Variants in SMARCAL1 observed in about 807,000 individuals in gnomAD.
SMARCAL1 encodes ATP-driven annealing helicase.
A neutral mutation model predicts 94.5 loss-of-function variants in SMARCAL1; 58 were observed. The observed-to-expected ratio is 0.61, with a 90% CI of 0.50 to 0.76. The LOEUF is 0.76. Ranked by LOEUF, SMARCAL1 falls within the 30% of genes least tolerant of loss-of-function variation. SMARCAL1 has a pLI of 0.00. For missense variants in SMARCAL1, 1,051 were observed against 1,177.9 expected (o/e 0.89, Z 1.58); for synonymous variants, 422 against 455.1 (o/e 0.93, Z 0.93).
chr2:216,433,922 C>CA (rs756621464), intron 8 of SMARCAL1, among the ~76,000 whole-genome samples: 159 of 125,140 alleles, frequency 1.3e-3, no homozygotes, highest in East Asian at 4.2e-3. Context: ...GAAGAGATGG[C>CA]AAAAAAAAAA....
intron 12 of SMARCAL1, among the ~76,000 whole-genome samples, chr2:216,455,888 G>A (rs1168611282): frequency 6.6e-6 from 1 of 152,186 alleles, no homozygotes; most frequent in Admixed American, 6.5e-5. Flanking sequence ...GGCTTCAGAT[G>A]ATCAGATTTC....
At chr2:216,456,084 G>A (rs1194568904) in intron 12 of SMARCAL1, among the ~76,000 whole-genome samples, 1 of 152,192 alleles carries the variant, frequency 6.6e-6, no homozygotes, top group Non-Finnish European at 1.5e-5. Context: ...TTGATCAACT[G>A]GAAGAAAGGG....
intron 13 of SMARCAL1, 123 bp downstream of exon 13, chr2:216,464,790 T>G: frequency 1.3e-6 from 1 of 766,380 alleles, no homozygotes; most frequent in Non-Finnish European, 2.3e-6. Flanking sequence ...GATTATTAAA[T>G]GTGCCTTTTG....
chr2:216,423,037 C>T (rs1353308564), intron 5 of SMARCAL1, among the ~76,000 whole-genome samples: 1 of 152,126 alleles, frequency 6.6e-6, no homozygotes, highest in South Asian at 2.1e-4. Context: ...TAAACAGTAA[C>T]CTGTGAGGTA....
chr2:216,427,862 A>G (rs1475940866), intron 6 of SMARCAL1, among the ~76,000 whole-genome samples: 1 of 152,228 alleles, frequency 6.6e-6, no homozygotes, highest in African/African-American at 2.4e-5. Flanking sequence ...ATATGATCAC[A>G]CATGTTTTAT....
chr2:216,445,013 T>TAAC (rs1302077445), intron 10 of SMARCAL1, among the ~76,000 whole-genome samples: 1 of 152,244 alleles, frequency 6.6e-6, no homozygotes. Flanking sequence ...GTTATCTTTC[T>TAAC]AACACCACAC....
chr2:216,478,413 G>GC lies in SMARCAL1; in HGVS notation c.2625+116dup, dbSNP rs5838586. On this transcript the variant is annotated intron_variant, in intron 17 of 17. Transcript: ENST00000357276. The stretch of plus-strand genomic sequence containing the variant: ...GAATCACTCCTAGGGACCTCCCCCA[G>GC]CCTAGAGCTGAAAACAATGGCCTGC... 0.36 allele frequency: 285,003 copies of GC among 800,622 alleles called. 53,285 individuals carry two copies. Among genetic ancestry groups the GC allele is most frequent in the African/African-American group, 0.57 (33,819 of 59,548 alleles). 49.6% of individuals were successfully genotyped at this position (800,622 alleles called of 1,614,324 possible).
chr2:216,415,753 A>T (rs558976974), intron 3 of SMARCAL1, among the ~76,000 whole-genome samples: 1 of 152,352 alleles, frequency 6.6e-6, no homozygotes, highest in South Asian at 2.1e-4. Flanking sequence ...TACTGAGAAG[A>T]CGCTTCCTCT....
intron 7 of SMARCAL1, among the ~76,000 whole-genome samples, chr2:216,429,438 G>T (rs1043135119): frequency 1.3e-5 from 2 of 152,144 alleles, no homozygotes; most frequent in Non-Finnish European, 2.9e-5. Flanking sequence ...TCTTATTAGA[G>T]GAAGAAAAAA....
intron 12 of SMARCAL1, chr2:216,451,425 C>G: frequency 3.1e-6 from 1 of 324,938 alleles, no homozygotes; most frequent in Non-Finnish European, 6.0e-6. Flanking sequence ...GAAAATTAGT[C>G]CTAACATGTT....
At chr2:216,466,880 T>G (rs1350470792) in intron 13 of SMARCAL1, among the ~76,000 whole-genome samples, 1 of 152,230 alleles carries the variant, frequency 6.6e-6, no homozygotes, top group Non-Finnish European at 1.5e-5. Context: ...GTCATAGTGT[T>G]GTTTGAAATG....
rs1693695080 is a variant in SMARCAL1 at position 216,420,470 on chromosome 2, C to G, written c.1034C>G (p.Ala345Gly). The change falls in exon 5 of 18, where the codon GCA (alanine) becomes GGA (glycine). Residue 345 changes from alanine to glycine, a missense_variant. This residue lies in a region of SMARCAL1 where 11 missense variants were observed against 28.0 expected (regional missense o/e 0.39). Coordinates refer to ENST00000357276, the MANE Select transcript of SMARCAL1 (RefSeq NM_014140.4). ...CMLISRAYFE[A>G]DISYSQDLIA... ...CTCATCTCCAGGGCCTACTTCGAGG[C>G]AGACATCAGTTATTCACAGGACCTT... 1 of 1,614,098 alleles carries G rather than the reference C, an allele frequency of 6.2e-7. No individual in the cohort carries two copies. Among genetic ancestry groups the G allele is most frequent in the Non-Finnish European group, 8.5e-7 (1 of 1,180,050 alleles).
Position 216,436,037 on chromosome 2 carries a change from C to T in SMARCAL1, c.1644+541C>T, listed in dbSNP as rs5017922. ...AGGCTGGAGTGCAGTGGCGTGATCT[C>T]GGCTCACTGCAACCTCTGCCTCCCG... On this transcript the variant is annotated intron_variant, in intron 9 of 17. Transcript: ENST00000357276. Among the ~76,000 whole-genome samples the T allele has an allele frequency of 5.3e-5, 8 of 152,286 alleles. No individual in the cohort carries two copies. The South Asian group carries it at 6.2e-4, about 12-fold the overall frequency.
chr2:216,474,252 G>A (rs1013516910), intron 14 of SMARCAL1, among the ~76,000 whole-genome samples: 1 of 141,522 alleles, frequency 7.1e-6, no homozygotes, highest in Non-Finnish European at 1.5e-5. Context: ...TGATTCTCCT[G>A]CCTTGGCCTC....
chr2:216,439,993 G>A (rs1218535440), intron 10 of SMARCAL1, among the ~76,000 whole-genome samples: 2 of 151,142 alleles, frequency 1.3e-5, no homozygotes, highest in African/African-American at 2.4e-5. Flanking sequence ...AGTGAGCCGA[G>A]ATTGTGCCAC....
chr2:216,478,396 C>T, intron 17 of SMARCAL1, 97 bp downstream of exon 17: 2 of 893,932 alleles, frequency 2.2e-6, no homozygotes, highest in South Asian at 1.3e-5. Context: ...GTGAATCACT[C>T]CTAGGGACCT....
rs368438667 is a variant in SMARCAL1 at position 216,473,293 on chromosome 2, A to C, written c.2245-1976A>C. ...GTGGAGAAAAGGACATTCAGGATGTACTTTTTTTTTTTGAGATTTATCCAT... is the reference window on the plus strand; with the variant it reads ...GTGGAGAAAAGGACATTCAGGATGTCCTTTTTTTTTTTGAGATTTATCCAT... On this transcript the variant is annotated intron_variant, in intron 14 of 17. Coordinates refer to ENST00000357276, the MANE Select transcript of SMARCAL1 (RefSeq NM_014140.4). Among the ~76,000 whole-genome samples the C allele has an allele frequency of 2.0e-5, 3 of 150,098 alleles. No homozygotes were observed. In the East Asian group the frequency reaches 5.9e-4, roughly 29 times the overall value.
intron 6 of SMARCAL1, among the ~76,000 whole-genome samples, chr2:216,427,974 C>T (rs189814768): frequency 1.2e-4 from 19 of 152,192 alleles, no homozygotes; most frequent in South Asian, 4.2e-4. Flanking sequence ...TACTGGATAC[C>T]GGAGGACGAT....
intron 6 of SMARCAL1, among the ~76,000 whole-genome samples, chr2:216,426,354 T>C (rs1328909995): frequency 6.6e-6 from 1 of 152,244 alleles, no homozygotes; most frequent in Non-Finnish European, 1.5e-5. Flanking sequence ...CATAGCATTG[T>C]AGAGTGGTTC....
Sources: gnomAD v4.1 joint callset for allele counts (sites outside exome capture counted in the v4.1 genomes callset) on GRCh38, gnomAD v4.1.1 for gene constraint, gnomAD v4.1.1 regional missense constraint, MANE v1.5 for transcripts, NCBI Gene and HGNC (gene_info 2026-07-23, HGNC 2026-07-21) for gene names.